The following GRAMD1C variants were observed in gnomAD, a reference collection of about 807,000 sequenced individuals.
GRAMD1C encodes GRAM domain containing 1C, also known as protein Aster-C.
Under a neutral mutation model 97.8 loss-of-function variants are expected in GRAMD1C, and 89 were observed. That is an observed-to-expected ratio of 0.91 (90% CI 0.77 to 1.09). GRAMD1C has a LOEUF of 1.09. Ranked by LOEUF, GRAMD1C falls within the 50% of genes least tolerant of loss-of-function variation. The probability of loss-of-function intolerance (pLI) is 0.00; values close to 1 mark genes in which losing one functional copy is unlikely to be tolerated. For missense variants in GRAMD1C, 740 were observed against 766.4 expected (o/e 0.97, Z 0.41); for synonymous variants, 256 against 267.0 (o/e 0.96, Z 0.40).
chr3:113,930,272 A>G (rs1937361350), intron 10 of GRAMD1C, among the ~76,000 whole-genome samples: 1 of 152,178 alleles, frequency 6.6e-6, no homozygotes, highest in South Asian at 2.1e-4. Flanking sequence ...CATAATTTCT[A>G]TGTAAGTTGA....
Position 113,933,533 on chromosome 3 carries a change from A to T in GRAMD1C, c.1232A>T (p.Glu411Val). The change falls in exon 12 of 18, where the codon GAA becomes GTA. Residue 411 changes from glutamate to valine, a missense_variant. Coordinates refer to ENST00000358160, the MANE Select transcript of GRAMD1C (RefSeq NM_017577.5). ...CAGACACTGTATAAAGAAAGTCGGG[A>T]AGCACGATTTTATTTGGTAGATTCA... Reference protein sequence around the residue: ...EKQTLYKESREARFYLVDSEV... With the variant: ...EKQTLYKESRVARFYLVDSEV... 1 of 1,611,694 alleles carries T rather than the reference A, an allele frequency of 6.2e-7. No homozygotes were observed. The highest frequency in any genetic ancestry group is 8.5e-7 in the Non-Finnish European group (1 of 1,177,818).
At chr3:113,905,755 G>T (rs1189294513) in intron 8 of GRAMD1C, among the ~76,000 whole-genome samples, 5 of 151,826 alleles carry the variant, frequency 3.3e-5, no homozygotes, top group Admixed American at 2.6e-4. Flanking sequence ...GAGTGCAGTG[G>T]TGTGATCTCA....
chr3:113,860,262 C>T (rs1934312190), intron 2 of GRAMD1C, among the ~76,000 whole-genome samples: 2 of 152,156 alleles, frequency 1.3e-5, no homozygotes, highest in South Asian at 4.1e-4. Context: ...CCTCATGATC[C>T]ACCCGCCTTG....
At chr3:113,833,124 T>G (rs376382701) in intron 1 of GRAMD1C, among the ~76,000 whole-genome samples, 3 of 133,474 alleles carry the variant, frequency 2.2e-5, no homozygotes, top group African/African-American at 8.9e-5. Flanking sequence ...TTCTTTCTTT[T>G]TTTTTTTTTT....
At chr3:113,856,316 A>G (rs1472933513) in intron 2 of GRAMD1C, among the ~76,000 whole-genome samples, 1 of 152,104 alleles carries the variant, frequency 6.6e-6, no homozygotes, top group African/African-American at 2.4e-5. Context: ...GGATCCCTGT[A>G]TCCTTTAAAC....
intron 6 of GRAMD1C, among the ~76,000 whole-genome samples, chr3:113,900,595 A>AT (rs71633338): frequency 0.13 from 18,228 of 137,456 alleles, 1,423 homozygotes; most frequent in South Asian, 0.21. Flanking sequence ...CAATTTTTGT[A>AT]TTTTTTTTTT....
At chr3:113,944,988 AGT>A (rs1331013667) in intron 17 of GRAMD1C, among the ~76,000 whole-genome samples, 1 of 152,186 alleles carries the variant, frequency 6.6e-6, no homozygotes, top group African/African-American at 2.4e-5. Context: ...CTACATGAAG[AGT>A]GTGAATATGA....
intron 2 of GRAMD1C, among the ~76,000 whole-genome samples, chr3:113,862,081 A>G (rs1000624966): frequency 5.9e-5 from 9 of 152,220 alleles, no homozygotes; most frequent in African/African-American, 2.2e-4. Flanking sequence ...AAATGGAGGC[A>G]GGGTGAGATC....
intron 6 of GRAMD1C, among the ~76,000 whole-genome samples, chr3:113,887,728 A>T (rs1017848826): frequency 1.1e-4 from 16 of 150,410 alleles, no homozygotes; most frequent in Non-Finnish European, 2.1e-4. Context: ...AAAAAAAAAA[A>T]GGAAAATTGA....
chr3:113,838,096 C>T (rs1458729010), upstream of GRAMD1C, among the ~76,000 whole-genome samples: 4 of 151,948 alleles, frequency 2.6e-5, no homozygotes, highest in Non-Finnish European at 5.9e-5. Context: ...ATGTCCAATC[C>T]CCTCTTTCAT....
upstream of GRAMD1C, among the ~76,000 whole-genome samples, chr3:113,834,362 A>G (rs1709604647): frequency 6.6e-6 from 1 of 151,916 alleles, no homozygotes; most frequent in South Asian, 2.1e-4. Context: ...GCATTTTAGT[A>G]GAGACAGGGT....
At chr3:113,860,700 T>A (rs1316639236) in intron 2 of GRAMD1C, among the ~76,000 whole-genome samples, 1 of 152,088 alleles carries the variant, frequency 6.6e-6, no homozygotes, top group Non-Finnish European at 1.5e-5. Context: ...GTGCAGTGGC[T>A]CACACCTGTA....
In GRAMD1C at chr3:113,946,678, A is replaced by C. The variant is rs1031707154; in HGVS notation, c.*1200A>C. On this transcript the variant is annotated 3_prime_UTR_variant, in exon 18 of 18. Coordinates refer to ENST00000358160, the MANE Select transcript of GRAMD1C (RefSeq NM_017577.5). ...AATACATATCCATCTATCTATCTAT[A>C]TATAAACTGTGTATACATTCTTACT... is the stretch of plus-strand genomic sequence containing the variant. 6.6e-5 allele frequency: 10 copies of C among 152,224 alleles called. No individual in the cohort carries two copies. Among genetic ancestry groups the C allele is most frequent in the African/African-American group, 1.7e-4 (7 of 41,456 alleles). The allele number at this position is 152,224 out of a possible 1,614,324, so 9.4% of individuals were successfully genotyped here.
At chr3:113,854,532 G>T (rs1464484938) in intron 2 of GRAMD1C, among the ~76,000 whole-genome samples, 1 of 152,168 alleles carries the variant, frequency 6.6e-6, no homozygotes, top group Non-Finnish European at 1.5e-5. Flanking sequence ...TGAGAGTTGG[G>T]CATTGGATTT....
chr3:113,930,793 T>A lies in GRAMD1C; in HGVS notation c.1170T>A (p.Ser390Arg). The A allele has an allele frequency of 6.2e-7, 1 of 1,610,450 alleles. No homozygotes were observed. Among genetic ancestry groups the A allele is most frequent in the Non-Finnish European group, 8.5e-7 (1 of 1,176,724 alleles). ...RTMTYTIVLN[S>R]PLTGKCTAAT... ...TGACCTACACTATAGTCCTTAATAGTCCACTTACTGGAAAATGCACTGCTG... is the reference window on the plus strand; with the variant it reads ...TGACCTACACTATAGTCCTTAATAGACCACTTACTGGAAAATGCACTGCTG... The change falls in exon 11 of 18, where the codon AGT (serine) becomes AGA (arginine). Residue 390 changes from serine to arginine, a missense_variant. Ser to Arg is a moderately radical substitution (Grantham distance 110, BLOSUM62 -1). Transcript: ENST00000358160.
rs373604599 is a variant in GRAMD1C, at chr3:113,889,661, A to G, written c.540+6829A>G. On this transcript the variant is annotated intron_variant, in intron 6 of 17. Coordinates refer to ENST00000358160, the MANE Select transcript of GRAMD1C (RefSeq NM_017577.5). Reference sequence around the variant, plus strand: ...AAAGCCTCTTTTTTTTTTTTTCGAGATGGAGTTTTGCTCTTGTTGCCCAGG... The same window carrying G: ...AAAGCCTCTTTTTTTTTTTTTCGAGGTGGAGTTTTGCTCTTGTTGCCCAGG... Among the ~76,000 whole-genome samples the G allele has an allele frequency of 3.4e-5, 5 of 148,560 alleles. No individual in the cohort carries two copies. In the South Asian group the frequency reaches 8.6e-4, roughly 25 times the overall value.
chr3:113,894,937 A>G (rs1447711598), intron 6 of GRAMD1C, among the ~76,000 whole-genome samples: 1 of 152,186 alleles, frequency 6.6e-6, no homozygotes, highest in African/African-American at 2.4e-5. Flanking sequence ...AGGGTGTCCT[A>G]TTCCTCAGGT....
intron 1 of GRAMD1C, among the ~76,000 whole-genome samples, chr3:113,841,601 C>T (rs1352258302): frequency 6.6e-6 from 1 of 152,020 alleles, no homozygotes; most frequent in Non-Finnish European, 1.5e-5. Context: ...TGAAGTAGGT[C>T]TTACATAACA....
intron 6 of GRAMD1C, among the ~76,000 whole-genome samples, chr3:113,894,637 A>G (rs554583252): frequency 6.6e-6 from 1 of 152,276 alleles, no homozygotes; most frequent in East Asian, 1.9e-4. Context: ...CATGGGGGCT[A>G]TGGGGAAGCT....
Sources: allele counts gnomAD v4.1 joint callset (sites outside exome capture counted in the v4.1 genomes callset), GRCh38; gene constraint gnomAD v4.1.1; transcripts MANE v1.5; gene names NCBI Gene and HGNC (gene_info 2026-07-23, HGNC 2026-07-21).